The following DEFA6 variants were observed in gnomAD, a reference collection of about 807,000 sequenced individuals.
The protein encoded by DEFA6 is defensin-6.
Under a neutral mutation model 5.1 loss-of-function variants are expected in DEFA6, and 8 were observed. That is an observed-to-expected ratio of 1.57 (90% CI 0.92 to 2.83). The LOEUF is 2.83. Among genes scored for constraint, DEFA6 ranks in the 30% most tolerant of loss-of-function variants. The pLI, the probability that DEFA6 is intolerant of heterozygous loss-of-function variation, is 0.00. For synonymous variants in DEFA6, 74 were observed against 45.3 expected (o/e 1.63, Z -2.54); for missense variants, 191 against 119.1 (o/e 1.60, Z -2.81).
chr8:6,925,758 G>A, intron 1 of DEFA6, 85 bp downstream of exon 1: 1 of 1,260,596 alleles, frequency 7.9e-7, no homozygotes, highest in Non-Finnish European at 1.1e-6. Context: ...TCACCTAAGA[G>A]AAAGAGCCAG....
chr8:6,925,004 T>G, intron 1 of DEFA6, 77 bp from the exon 2 acceptor site: 2 of 888,932 alleles, frequency 2.2e-6, no homozygotes, highest in Non-Finnish European at 3.7e-6. Flanking sequence ...CTTCAGGAAG[T>G]TGCATGCTTG....
intron 1 of DEFA6, among the ~76,000 whole-genome samples, 164 bp from the exon 2 acceptor site, chr8:6,925,091 T>G (rs576432352): frequency 2.0e-5 from 3 of 152,326 alleles, no homozygotes; most frequent in Admixed American, 1.3e-4. Flanking sequence ...CAGAGCAGTG[T>G]TGGTCACACA....
chr8:6,925,792 G>C (rs745624665), intron 1 of DEFA6, 51 bp downstream of exon 1: 1 of 1,499,010 alleles, frequency 6.7e-7, no homozygotes. Context: ...TTCTAGAAGT[G>C]CTTGGTTTTC....
At chr8:6,924,949 A>G (rs1808374556) in intron 1 of DEFA6, 22 bp from the exon 2 acceptor site, 1 of 1,524,272 alleles carries the variant, frequency 6.6e-7, no homozygotes. Flanking sequence ...GAGAGAGAGC[A>G]TCAGAAATTG....
chr8:6,924,985 A>T, intron 1 of DEFA6, 58 bp from the exon 2 acceptor site: 1 of 1,174,376 alleles, frequency 8.5e-7, no homozygotes, highest in Non-Finnish European at 1.3e-6. Flanking sequence ...AGCGGGCAGT[A>T]AAGAGAATCT....
At chr8:6,925,810 C>G in intron 1 of DEFA6, 33 bp downstream of exon 1, 1 of 1,561,992 alleles carries the variant, frequency 6.4e-7, no homozygotes, top group Non-Finnish European at 8.7e-7. Context: ...TTCCTCTCTA[C>G]ACTCCTAGCT....
chr8:6,925,857 C>T lies in DEFA6; in HGVS notation c.179G>A (p.Ser60Asn). ...AVSFAEDASS[S>N]LRALGSTRAF... ...GTGTCTCTTACCCAAAGCTCTAAGA[C>T]TTGAGCTTGCATCCTCTGCAAAGGA... is the stretch of plus-strand genomic sequence containing the variant. The change falls in exon 1 of 2, where the codon AGT becomes AAT. Residue 60 changes from serine to asparagine, a missense_variant. Coordinates refer to ENST00000297436, the MANE Select transcript of DEFA6 (RefSeq NM_001926.4). 1 of 1,612,894 alleles carries T rather than the reference C, an allele frequency of 6.2e-7. No homozygotes were observed. Among genetic ancestry groups the T allele is most frequent in the South Asian group, 1.1e-5 (1 of 90,714 alleles).
chr8:6,925,026 T>C (rs1158775378), intron 1 of DEFA6, 99 bp from the exon 2 acceptor site: 13 of 724,984 alleles, frequency 1.8e-5, no homozygotes, highest in Admixed American at 2.1e-5. Context: ...TGACATGTAA[T>C]GCTGGCTGCA....
chr8:6,924,922 T>A lies in DEFA6; in HGVS notation c.199A>T (p.Thr67Ser), dbSNP rs1291680473. The change falls in exon 2 of 2, where the codon ACA (threonine) becomes TCA (serine). Residue 67 changes from threonine (T) to serine (S), a missense_variant. By Grantham distance (58) the Thr-to-Ser change is moderately conservative. Transcript: ENST00000297436. Reference sequence around the variant, plus strand: ...CTGCAATGGCAAGTGAAAGCCCTTGTTGAGCCTGGGGACAGAGAGAGAGAG... The same window carrying A: ...CTGCAATGGCAAGTGAAAGCCCTTGATGAGCCTGGGGACAGAGAGAGAGAG... ...ASSSLRALGSTRAFTCHCRRS... is the reference protein window; with the variant it reads ...ASSSLRALGSSRAFTCHCRRS... The A allele has an allele frequency of 6.2e-7, 1 of 1,605,740 alleles. No individual in the cohort carries two copies. Among genetic ancestry groups the A allele is most frequent in the Non-Finnish European group, 8.5e-7 (1 of 1,173,214 alleles).
chr8:6,924,906 C>A lies in DEFA6; in HGVS notation c.215G>T (p.Cys72Phe), dbSNP rs1808372132. ...TGAATAACAGGACCTTCTGCAATGG[C>A]AAGTGAAAGCCCTTGTTGAGCCTGG... ...RALGSTRAFT[C>F]HCRRSCYSTE... Residue 72 changes from cysteine to phenylalanine, a missense_variant, in exon 2 of 2, where the codon TGC becomes TTC. Physicochemically the swap from Cys to Phe is radical, Grantham distance 205 (BLOSUM62 -2). Coordinates refer to ENST00000297436, the MANE Select transcript of DEFA6 (RefSeq NM_001926.4). The A allele has an allele frequency of 1.2e-6, 2 of 1,608,822 alleles. No individual in the cohort carries two copies. Among genetic ancestry groups the A allele is most frequent in the Non-Finnish European group, 1.7e-6 (2 of 1,175,824 alleles).
Position 6,924,936 on chromosome 8 carries a change from A to G in DEFA6, c.194-9T>C, listed in dbSNP as rs375822764. The G allele has an allele frequency of 1.3e-4, 196 of 1,490,246 alleles. No homozygotes were observed. The highest frequency in any genetic ancestry group is 1.7e-4 in the Non-Finnish European group (183 of 1,083,312). The allele number at this position is 1,490,246 out of a possible 1,614,324, so 92.3% of individuals were successfully genotyped here. On this transcript the variant is annotated splice_polypyrimidine_tract_variant and intron_variant, in intron 1 of 1. Coordinates refer to ENST00000297436, the MANE Select transcript of DEFA6 (RefSeq NM_001926.4). ...GAAAGCCCTTGTTGAGCCTGGGGAC[A>G]GAGAGAGAGAGCATCAGAAATTGAG...
In DEFA6 at chr8:6,925,827, T is replaced by A. The variant is rs1030326190; in HGVS notation, c.193+16A>T. 6.9e-6 allele frequency: 11 copies of A among 1,599,214 alleles called. No individual in the cohort carries two copies. Among genetic ancestry groups the A allele is most frequent in the Non-Finnish European group, 1.7e-6 (2 of 1,173,408 alleles). On this transcript the variant is annotated intron_variant, in intron 1 of 1. Transcript: ENST00000297436. ...CCTCTCTACACTCCTAGCTCTGCAA[T>A]GCTGGTGTCTCTTACCCAAAGCTCT...
At chr8:6,925,766 C>G in intron 1 of DEFA6, 77 bp downstream of exon 1, 1 of 1,323,970 alleles carries the variant, frequency 7.6e-7, no homozygotes, top group Non-Finnish European at 1.0e-6. Flanking sequence ...GAGAAAGAGC[C>G]AGCTGTTGGA....
chr8:6,925,731 G>T, intron 1 of DEFA6, 112 bp downstream of exon 1: 2 of 801,866 alleles, frequency 2.5e-6, no homozygotes, highest in Non-Finnish European at 3.7e-6. Context: ...TAAAGTAATT[G>T]AGGCCTGGGG....
intron 1 of DEFA6, 79 bp downstream of exon 1, chr8:6,925,764 G>A: frequency 7.7e-7 from 1 of 1,299,364 alleles, no homozygotes; most frequent in Non-Finnish European, 1.0e-6. Flanking sequence ...AAGAGAAAGA[G>A]CCAGCTGTTG....
At position 6,924,715 on chromosome 8, in the gene DEFA6, T is replaced by C. The variant is rs1808364507; in HGVS notation, c.*103A>G. On this transcript the variant is annotated 3_prime_UTR_variant, in exon 2 of 2. Coordinates refer to ENST00000297436, the MANE Select transcript of DEFA6 (RefSeq NM_001926.4). ...AAAGAACTTGCTGAAAGGACTTTAT[T>C]TGAGATGAGGAAACAAAGTTGATGG... 8 of 659,286 alleles carry C rather than the reference T, an allele frequency of 1.2e-5. No homozygotes were observed. The highest frequency in any genetic ancestry group is 2.9e-5 in the Admixed American group (1 of 34,450). The allele number at this position is 659,286 out of a possible 1,614,324, so 40.8% of individuals were successfully genotyped here.
At chr8:6,925,758 GA>G in intron 1 of DEFA6, 84 bp downstream of exon 1, 1 of 1,260,596 alleles carries the variant, frequency 7.9e-7, no homozygotes, top group Non-Finnish European at 1.1e-6. Context: ...TCACCTAAGA[GA>G]AAGAGCCAGC....
chr8:6,925,029 T>A, intron 1 of DEFA6, 102 bp from the exon 2 acceptor site: 2 of 702,676 alleles, frequency 2.8e-6, no homozygotes, highest in Non-Finnish European at 5.1e-6. Flanking sequence ...CATGTAATGC[T>A]GGCTGCATTA....
chr8:6,925,880 G>C lies in DEFA6; in HGVS notation c.156C>G (p.Ser52=). ...RGANDQDFAV[S]FAEDASSSLR... is the part of the protein sequence containing the mutation. The stretch of plus-strand genomic sequence containing the variant: ...GACTTGAGCTTGCATCCTCTGCAAA[G>C]GAGACGGCAAAGTCCTGGTCATTTG... Residue 52 remains serine (S), a synonymous_variant, in exon 1 of 2, where the codon TCC becomes TCG. Coordinates refer to ENST00000297436, the MANE Select transcript of DEFA6 (RefSeq NM_001926.4). 1 of 1,614,024 alleles carries C rather than the reference G, an allele frequency of 6.2e-7. No homozygotes were observed. The highest frequency in any genetic ancestry group is 8.5e-7 in the Non-Finnish European group (1 of 1,179,996).
Sources: gnomAD v4.1 joint callset for allele counts (sites outside exome capture counted in the v4.1 genomes callset) on GRCh38, gnomAD v4.1.1 for gene constraint, MANE v1.5 for transcripts, NCBI Gene and HGNC (gene_info 2026-07-23, HGNC 2026-07-21) for gene names.